The following UBE2E2 variants were observed in gnomAD, a reference collection of about 807,000 sequenced individuals.
The protein encoded by UBE2E2 is ubiquitin conjugating enzyme E2 E2.
A neutral mutation model predicts 24.7 loss-of-function variants in UBE2E2; 6 were observed. That is an observed-to-expected ratio of 0.24 (90% confidence interval 0.13 to 0.48). UBE2E2 has a LOEUF of 0.48. Among genes scored for constraint, UBE2E2 ranks in the 20% least tolerant of loss-of-function variants. The pLI is 0.99. For synonymous variants in UBE2E2, 104 were observed against 83.6 expected, an observed-to-expected ratio of 1.24 and a Z score of -1.33; for missense variants, 169 against 245.0, an observed-to-expected ratio of 0.69 and a Z score of 2.07.
At chr3:23,576,256 T>C (rs957407371) in intron 5 of UBE2E2, among the ~76,000 whole-genome samples, 4 of 152,146 alleles carry the variant, frequency 2.6e-5, no homozygotes, top group African/African-American at 9.7e-5. Context: ...ATTTCTCTCA[T>C]TTTAAGACAA....
At chr3:23,324,198 T>C (rs1054673710) in intron 3 of UBE2E2, among the ~76,000 whole-genome samples, 4 of 152,158 alleles carry the variant, frequency 2.6e-5, no homozygotes, top group South Asian at 2.1e-4. Context: ...GCATCACTTA[T>C]GATTATTTGG....
At chr3:23,297,940 C>G (rs1430955734) in intron 3 of UBE2E2, among the ~76,000 whole-genome samples, 10 of 151,774 alleles carry the variant, frequency 6.6e-5, no homozygotes, top group African/African-American at 1.2e-4. Flanking sequence ...TCTTCCATTT[C>G]TTTGTATCCT....
At chr3:23,456,849 T>G (rs1438506855) in intron 3 of UBE2E2, among the ~76,000 whole-genome samples, 1 of 152,208 alleles carries the variant, frequency 6.6e-6, no homozygotes, top group African/African-American at 2.4e-5. Context: ...GCCTGTCCTT[T>G]GAAGCTTTGA....
At chr3:23,342,978 T>C (rs1270783953) in intron 3 of UBE2E2, among the ~76,000 whole-genome samples, 1 of 152,128 alleles carries the variant, frequency 6.6e-6, no homozygotes. Context: ...GTTGCTGTGC[T>C]GGAGGAATGG....
At chr3:23,575,412 G>A (rs917110015) in intron 5 of UBE2E2, among the ~76,000 whole-genome samples, 8 of 152,100 alleles carry the variant, frequency 5.3e-5, no homozygotes, top group South Asian at 2.1e-4. Flanking sequence ...AATTTTGACC[G>A]AGTACTGAGG....
intron 3 of UBE2E2, among the ~76,000 whole-genome samples, chr3:23,480,609 C>G (rs547642977): frequency 1.5e-5 from 2 of 136,626 alleles, no homozygotes; most frequent in African/African-American, 5.5e-5. Flanking sequence ...CCGCCATGAA[C>G]AGAGCAAGAC....
At chr3:23,570,079 A>G (rs1388445014) in intron 5 of UBE2E2, among the ~76,000 whole-genome samples, 1 of 152,158 alleles carries the variant, frequency 6.6e-6, no homozygotes, top group East Asian at 1.9e-4. Flanking sequence ...TTAAACTCCC[A>G]TCTTATACCT....
chr3:23,396,929 A>G (rs150128719), intron 3 of UBE2E2, among the ~76,000 whole-genome samples: 43 of 152,306 alleles, frequency 2.8e-4, no homozygotes, highest in African/African-American at 9.4e-4. Context: ...AGAAAGGTGA[A>G]CAATAGAGTG....
intron 3 of UBE2E2, among the ~76,000 whole-genome samples, chr3:23,495,872 C>A (rs1359023231): frequency 6.6e-6 from 1 of 152,130 alleles, no homozygotes. Flanking sequence ...TATATTCCAA[C>A]CCTTTGCAAT....
intron 3 of UBE2E2, among the ~76,000 whole-genome samples, chr3:23,390,824 C>A (rs1696916883): frequency 6.6e-6 from 1 of 152,214 alleles, no homozygotes; most frequent in Non-Finnish European, 1.5e-5. Context: ...ACTCTCCCAT[C>A]TTGTTATCTT....
chr3:23,327,318 C>T (rs1340216738), intron 3 of UBE2E2, among the ~76,000 whole-genome samples: 1 of 152,234 alleles, frequency 6.6e-6, no homozygotes, highest in African/African-American at 2.4e-5. Flanking sequence ...TATTTCTCCA[C>T]ATCCTCTCCA....
At chr3:23,550,571 G>A (rs1165632007) in intron 5 of UBE2E2, among the ~76,000 whole-genome samples, 3 of 152,142 alleles carry the variant, frequency 2.0e-5, no homozygotes, top group Non-Finnish European at 4.4e-5. Flanking sequence ...TAGTTAAGAT[G>A]GGAGTGAAAC....
chr3:23,481,674 G>A (rs1220909389), intron 3 of UBE2E2, among the ~76,000 whole-genome samples: 1 of 152,194 alleles, frequency 6.6e-6, no homozygotes, highest in African/African-American at 2.4e-5. Flanking sequence ...CTGAGAAGTG[G>A]ATAAATTAAA....
At chr3:23,356,181 A>G (rs1695944863) in intron 3 of UBE2E2, among the ~76,000 whole-genome samples, 2 of 152,164 alleles carry the variant, frequency 1.3e-5, no homozygotes, top group South Asian at 4.2e-4. Flanking sequence ...GTCAGGAGAA[A>G]GCGGCAAATC....
chr3:23,265,089 G>A (rs1010108910), intron 3 of UBE2E2, among the ~76,000 whole-genome samples: 26 of 152,158 alleles, frequency 1.7e-4, no homozygotes, highest in African/African-American at 6.0e-4. Context: ...AAATTGCAAA[G>A]GGAAGAAGGA....
At chr3:23,576,638 A>G (rs1696353449) in intron 5 of UBE2E2, among the ~76,000 whole-genome samples, 1 of 152,150 alleles carries the variant, frequency 6.6e-6, no homozygotes, top group East Asian at 1.9e-4. Flanking sequence ...TGTTGTGTGT[A>G]TACCTTATCT....
intron 3 of UBE2E2, among the ~76,000 whole-genome samples, chr3:23,283,214 T>G (rs1011095049): frequency 6.8e-6 from 1 of 146,646 alleles, no homozygotes; most frequent in East Asian, 2.0e-4. Context: ...AGTAAAAAAC[T>G]TTTTTTTTTT....
At position 23,286,693 on chromosome 3, in the gene UBE2E2, G is replaced by C. The variant is rs190682458; in HGVS notation, c.227+69381G>C. Reference sequence around the variant, plus strand: ...TTTTTCTGTTTCTGTGGAGAATGTCGTTGGTATTTTGATAGAGAATGCATT... The same window carrying C: ...TTTTTCTGTTTCTGTGGAGAATGTCCTTGGTATTTTGATAGAGAATGCATT... On this transcript the variant is annotated intron_variant, in intron 3 of 5. Transcript: ENST00000396703. Among the ~76,000 whole-genome samples the C allele has an allele frequency of 2.0e-5, 3 of 152,010 alleles. No individual in the cohort carries two copies. In the South Asian group the frequency reaches 6.2e-4, roughly 32 times the overall value.
intron 3 of UBE2E2, among the ~76,000 whole-genome samples, chr3:23,273,191 A>G (rs1247921525): frequency 2.6e-5 from 4 of 152,226 alleles, no homozygotes; most frequent in African/African-American, 7.2e-5. Context: ...GTAAGAAGCA[A>G]TATAGTAAAT....
Sources: gnomAD v4.1 joint callset for allele counts (sites outside exome capture counted in the v4.1 genomes callset) on GRCh38, gnomAD v4.1.1 for gene constraint, MANE v1.5 for transcripts, NCBI Gene and HGNC (gene_info 2026-07-23, HGNC 2026-07-21) for gene names.